The following AOPEP variants were observed in gnomAD, a reference collection of about 807,000 sequenced individuals.
AOPEP encodes aminopeptidase O (putative), also known as aminopeptidase O.
In AOPEP, 77 loss-of-function variants were observed where a neutral mutation model predicts 98.1. That is an observed-to-expected ratio of 0.78 (90% CI 0.65 to 0.95). The LOEUF is 0.95. AOPEP is among the 40% of genes least tolerant of loss of function. The pLI is 0.00. For missense variants in AOPEP, 1,024 were observed against 1,024.7 expected, an observed-to-expected ratio of 1.00 and a Z score of 0.01; for synonymous variants, 346 against 365.3, an observed-to-expected ratio of 0.95 and a Z score of 0.60.
At chr9:94,745,845 T>C (rs573360208) in intron 1 of AOPEP, among the ~76,000 whole-genome samples, 127 of 152,216 alleles carry the variant, frequency 8.3e-4, no homozygotes, top group Non-Finnish European at 1.6e-3. Flanking sequence ...TGCAGGTATG[T>C]CTTTGATATA....
chr9:95,009,042 A>G (rs1342577457), intron 13 of AOPEP, among the ~76,000 whole-genome samples: 2 of 152,196 alleles, frequency 1.3e-5, no homozygotes, highest in African/African-American at 2.4e-5. Context: ...ACAGAAAAAC[A>G]AGGAAAGTAT....
chr9:95,080,627 C>A, intron 14 of AOPEP, 67 bp from the exon 15 acceptor site: 3 of 1,121,756 alleles, frequency 2.7e-6, no homozygotes, highest in Non-Finnish European at 4.0e-6. Context: ...GGCTGCCTGT[C>A]ACTGGGCCCG....
At chr9:94,867,778 C>T (rs969547111) in intron 5 of AOPEP, among the ~76,000 whole-genome samples, 4 of 152,156 alleles carry the variant, frequency 2.6e-5, no homozygotes, top group Admixed American at 6.5e-5. Flanking sequence ...TGTTCTGATT[C>T]GGAATATCAG....
chr9:95,082,573 A>C lies in AOPEP; in HGVS notation c.2320-2A>C. The C allele has an allele frequency of 6.2e-7, 1 of 1,614,024 alleles. No homozygotes were observed. On this transcript the variant is annotated splice_acceptor_variant, in intron 15 of 16. Transcript: ENST00000375315. LOFTEE classifies it high-confidence loss of function. ...ATGCCCTTTGGCCTCTGTGCCCTGC[A>C]GGCCATGGGTGTGTACCTCTACGGG...
At chr9:95,142,228 G>C in the AOPEP span, among the ~76,000 whole-genome samples, 4 of 151,952 alleles carry the variant, frequency 2.6e-5, no homozygotes, top group Admixed American at 6.6e-5. Flanking sequence ...CCTGACCTCA[G>C]GTGATCCACC....
intron 3 of AOPEP, chr9:94,773,385 TC>T: frequency 2.5e-6 from 1 of 403,746 alleles, no homozygotes; most frequent in South Asian, 4.8e-5. Flanking sequence ...ACTAGAGTTG[TC>T]GGTTCATAGA....
At chr9:95,008,498 T>C (rs1374174226) in intron 13 of AOPEP, among the ~76,000 whole-genome samples, 2 of 152,186 alleles carry the variant, frequency 1.3e-5, no homozygotes, top group African/African-American at 4.8e-5. Context: ...AAAGAAAATC[T>C]CGAAGGTGCT....
At chr9:94,847,838 C>CTCA (rs1343216052) in intron 5 of AOPEP, among the ~76,000 whole-genome samples, 1 of 152,192 alleles carries the variant, frequency 6.6e-6, no homozygotes, top group Admixed American at 6.5e-5. Flanking sequence ...TCAGTCACTG[C>CTCA]TCATAGCACC....
intron 3 of AOPEP, among the ~76,000 whole-genome samples, chr9:94,787,742 T>C (rs1256939722): frequency 2.0e-5 from 3 of 152,218 alleles, no homozygotes; most frequent in Admixed American, 6.5e-5. Flanking sequence ...TTACATTAAA[T>C]ATGCAATATT....
chr9:95,097,708 T>TAAGA, the AOPEP span, among the ~76,000 whole-genome samples: 3 of 152,196 alleles, frequency 2.0e-5, no homozygotes, highest in Admixed American at 6.5e-5. Flanking sequence ...GCAAGTGCAG[T>TAAGA]AAGACACCAT....
intron 5 of AOPEP, among the ~76,000 whole-genome samples, chr9:94,804,714 G>A (rs991120120): frequency 1.3e-5 from 2 of 152,220 alleles, no homozygotes; most frequent in African/African-American, 4.8e-5. Context: ...AAGGGTGAAC[G>A]AGATAGAGGA....
chr9:94,852,099 A>G (rs559061701), intron 5 of AOPEP, among the ~76,000 whole-genome samples: 17 of 152,256 alleles, frequency 1.1e-4, no homozygotes, highest in Admixed American at 7.8e-4. Flanking sequence ...GACCCCGTAG[A>G]CATGATAATT....
At chr9:94,825,874 A>G (rs1489135111) in intron 5 of AOPEP, among the ~76,000 whole-genome samples, 1 of 152,260 alleles carries the variant, frequency 6.6e-6, no homozygotes, top group Non-Finnish European at 1.5e-5. Context: ...ATTCAGTGTC[A>G]GCCTAGGAAT....
chr9:95,000,034 G>A (rs180767224), intron 11 of AOPEP, among the ~76,000 whole-genome samples: 64 of 152,266 alleles, frequency 4.2e-4, no homozygotes, highest in South Asian at 8.3e-4. Context: ...AATCCACTAC[G>A]CCAAGCATGA....
Position 94,826,728 on chromosome 9 carries a change from T to C in AOPEP, c.1364+25726T>C, listed in dbSNP as rs1564204560. Among the ~76,000 whole-genome samples, 3 of 152,156 alleles carry C rather than the reference T, an allele frequency of 2.0e-5. No homozygotes were observed. In the South Asian group the frequency reaches 6.2e-4, roughly 32 times the overall value. The stretch of plus-strand genomic sequence containing the variant: ...ATGGTGGTGGTGGTGGTGGTTGTAA[T>C]GTGGGGAAGGAGAAGAGGTATTGGT... On this transcript the variant is annotated intron_variant, in intron 5 of 16. Coordinates refer to ENST00000375315, the MANE Select transcript of AOPEP (RefSeq NM_001193329.3).
intron 5 of AOPEP, among the ~76,000 whole-genome samples, chr9:94,828,725 T>C (rs901339020): frequency 3.9e-5 from 6 of 151,924 alleles, no homozygotes; most frequent in African/African-American, 1.5e-4. Flanking sequence ...TATACACATA[T>C]ACACACACAA....
chr9:95,005,913 G>A, intron 13 of AOPEP: 2 of 537,324 alleles, frequency 3.7e-6, no homozygotes, highest in African/African-American at 1.9e-5. Flanking sequence ...TATTATCTCA[G>A]TGTTAAGGTA....
At chr9:94,777,680 C>T (rs1483166395) in intron 3 of AOPEP, among the ~76,000 whole-genome samples, 3 of 118,250 alleles carry the variant, frequency 2.5e-5, no homozygotes, top group South Asian at 5.9e-4. Context: ...ATTGTCCAGG[C>T]TGGAGTACAG....
At chr9:94,989,436 C>T (rs1240241760) in intron 11 of AOPEP, among the ~76,000 whole-genome samples, 1 of 151,764 alleles carries the variant, frequency 6.6e-6, no homozygotes, top group Non-Finnish European at 1.5e-5. Context: ...GGGCTTTCAC[C>T]ATGTTGGCCA....
Sources: gnomAD v4.1 joint callset for allele counts (sites outside exome capture counted in the v4.1 genomes callset) on GRCh38, gnomAD v4.1.1 for gene constraint, MANE v1.5 for transcripts, NCBI Gene and HGNC (gene_info 2026-07-23, HGNC 2026-07-21) for gene names.